ANKRD50: variants seen among roughly 807,000 people sequenced by gnomAD.
ANKRD50 encodes ankyrin repeat domain 50.
A neutral mutation model predicts 112.0 loss-of-function variants in ANKRD50; 40 were observed. The ratio of observed to expected loss-of-function variants is 0.36; its 90% CI spans 0.28 to 0.46. The LOEUF (loss-of-function observed/expected upper bound fraction) is 0.46. ANKRD50 is among the 20% of genes least tolerant of loss of function. The probability of loss-of-function intolerance (pLI) is 1.00; values close to 1 mark genes in which losing one functional copy is unlikely to be tolerated. For synonymous variants in ANKRD50, 613 were observed against 619.1 expected (o/e 0.99, Z 0.15); for missense variants, 1,487 against 1,701.7 (o/e 0.87, Z 2.22).
chr4:124,705,604 G>A (rs552776379), intron 2 of ANKRD50, among the ~76,000 whole-genome samples: 1 of 152,228 alleles, frequency 6.6e-6, no homozygotes, highest in South Asian at 2.1e-4. Context: ...TCTGTTCAAA[G>A]TCCAGAAAGG....
At chr4:124,687,163 A>G (rs1048546644) in intron 2 of ANKRD50, among the ~76,000 whole-genome samples, 4 of 152,246 alleles carry the variant, frequency 2.6e-5, no homozygotes, top group African/African-American at 9.6e-5. Context: ...TTAAAGACAG[A>G]TTAATAAAAA....
rs918844997 is a variant in ANKRD50 at position 124,670,905 on chromosome 4, A to G, written c.2372T>C (p.Met791Thr). ...GRTPLLAAAS[M>T]GHASVVNTLL... ...TGTATTTACAACTGATGCATGACCCATAGACGCTGCTGCTAAGAGGGGTGT... is the reference window on the plus strand; with the variant it reads ...TGTATTTACAACTGATGCATGACCCGTAGACGCTGCTGCTAAGAGGGGTGT... Residue 791 changes from methionine to threonine, a missense_variant, in exon 4 of 5, where the codon ATG becomes ACG. Met to Thr is a moderately conservative substitution (Grantham distance 81). Transcript: ENST00000504087. 8 of 1,613,864 alleles carry G rather than the reference A, an allele frequency of 5.0e-6. No individual in the cohort carries two copies. Among genetic ancestry groups the G allele is most frequent in the Non-Finnish European group, 5.9e-6 (7 of 1,179,884 alleles).
At chr4:124,687,853 C>G (rs1403079632) in intron 2 of ANKRD50, among the ~76,000 whole-genome samples, 1 of 152,120 alleles carries the variant, frequency 6.6e-6, no homozygotes, top group Admixed American at 6.5e-5. Context: ...TAAGTAAAAA[C>G]CCTGACAACA....
chr4:124,673,298 A>C (rs1322335316), intron 3 of ANKRD50, among the ~76,000 whole-genome samples: 1 of 152,136 alleles, frequency 6.6e-6, no homozygotes, highest in East Asian at 1.9e-4. Context: ...TACAGATATG[A>C]ACTTATTAGA....
intron 2 of ANKRD50, among the ~76,000 whole-genome samples, chr4:124,706,938 A>C (rs1484879443): frequency 6.6e-6 from 1 of 152,050 alleles, no homozygotes; most frequent in Non-Finnish European, 1.5e-5. Flanking sequence ...GAACAGTTGT[A>C]TGGGTACTCA....
chr4:124,695,697 T>C (rs1725236343), intron 2 of ANKRD50, among the ~76,000 whole-genome samples: 1 of 152,172 alleles, frequency 6.6e-6, no homozygotes, highest in African/African-American at 2.4e-5. Context: ...CTAAACATAA[T>C]TTCTTATGTT....
rs1730505250 is a variant in ANKRD50 at position 124,666,920 on chromosome 4, T to C, written c.*598A>G. 6.6e-6 allele frequency: 1 copy of C among 152,076 alleles called. No homozygotes were observed. The highest frequency in any genetic ancestry group is 6.6e-5 in the Admixed American group (1 of 15,222). 9.4% of individuals were successfully genotyped at this position (152,076 alleles called of 1,614,324 possible). On this transcript the variant is annotated 3_prime_UTR_variant, in exon 5 of 5. Transcript: ENST00000504087. ...TCCCTAAACTACTATAAAATATTTT[T>C]TTTAAACTGCCAAGAAATCATTTTT...
chr4:124,676,872 G>A (rs1366949489), intron 3 of ANKRD50, among the ~76,000 whole-genome samples: 1 of 151,550 alleles, frequency 6.6e-6, no homozygotes, highest in Non-Finnish European at 1.5e-5. Context: ...TCAGATAGCA[G>A]AATTTCATGG....
chr4:124,684,926 G>A (rs74625394), intron 2 of ANKRD50, among the ~76,000 whole-genome samples: 1 of 151,974 alleles, frequency 6.6e-6, no homozygotes, highest in African/African-American at 2.4e-5. Flanking sequence ...CTAACACTGA[G>A]CTTTTTTCTC....
intron 2 of ANKRD50, among the ~76,000 whole-genome samples, chr4:124,694,299 C>T (rs925672352): frequency 5.9e-5 from 9 of 152,112 alleles, no homozygotes; most frequent in Admixed American, 1.3e-4. Context: ...AGTGATTTCA[C>T]GCTTTTATGA....
Position 124,670,287 on chromosome 4 carries a change from A to G in ANKRD50, c.2990T>C (p.Val997Ala), listed in dbSNP as rs1730607492. 6.2e-7 allele frequency: 1 copy of G among 1,613,946 alleles called. No individual in the cohort carries two copies. Among genetic ancestry groups the G allele is most frequent in the Non-Finnish European group, 8.5e-7 (1 of 1,179,912 alleles). ...CWQGHMEMVQ[V>A]LIAYHADVNA... ...GACGTCAGCATGGTATGCTATCAGG[A>G]CCTGCACCATTTCCATATGGCCTTG... The change falls in exon 4 of 5, where the codon GTC (valine) becomes GCC (alanine). Residue 997 changes from valine to alanine, a missense_variant. Coordinates refer to ENST00000504087, the MANE Select transcript of ANKRD50 (RefSeq NM_020337.3).
chr4:124,669,631 C>G lies in ANKRD50; in HGVS notation c.3646G>C (p.Glu1216Gln), dbSNP rs745993211. 3.7e-6 allele frequency: 6 copies of G among 1,613,412 alleles called. No individual in the cohort carries two copies. The highest frequency in any genetic ancestry group is 5.1e-6 in the Non-Finnish European group (6 of 1,179,778). ...IDSFHNLSFT[E>Q]QIQQHSLPRS... ...GGCAATGAATGCTGCTGAATTTGTT[C>G]TGTAAATGACAAGTTATGAAAGCTA... Residue 1216 changes from glutamate to glutamine, a missense_variant, in exon 4 of 5, where the codon GAA (glutamate) becomes CAA (glutamine). By Grantham distance (29) the Glu-to-Gln change is conservative. Around this residue, in one of 2 missense-constraint regions of ANKRD50, gnomAD observed 441 missense variants for 432.2 expected, o/e 1.02. Transcript: ENST00000504087.
At chr4:124,673,176 A>G (rs1190955963) in intron 3 of ANKRD50, among the ~76,000 whole-genome samples, 3 of 152,114 alleles carry the variant, frequency 2.0e-5, no homozygotes, top group Non-Finnish European at 2.9e-5. Context: ...AAAATAAATA[A>G]TAAGATTTAA....
chr4:124,671,695 T>A lies in ANKRD50; in HGVS notation c.1582A>T (p.Ile528Phe). The A allele has an allele frequency of 4.3e-6, 7 of 1,613,884 alleles. No homozygotes were observed. Among genetic ancestry groups the A allele is most frequent in the Non-Finnish European group, 5.1e-6 (6 of 1,179,858 alleles). The change falls in exon 4 of 5, where the codon ATT becomes TTT. Residue 528 changes from isoleucine to phenylalanine, a missense_variant. Coordinates refer to ENST00000504087, the MANE Select transcript of ANKRD50 (RefSeq NM_020337.3). ...GCTCCATTATCTAATAATGTCCGAA[T>A]GGAATCCTCTCTTTCTAAGGCTTGT... Reference protein sequence around the residue: ...VRQALEREDSIRTLLDNGASV... With the variant: ...VRQALEREDSFRTLLDNGASV...
At chr4:124,692,707 G>A (rs1319746917) in intron 2 of ANKRD50, among the ~76,000 whole-genome samples, 1 of 152,104 alleles carries the variant, frequency 6.6e-6, no homozygotes, top group Non-Finnish European at 1.5e-5. Context: ...GCAAGAAGGT[G>A]CCATCTATGA....
intron 3 of ANKRD50, among the ~76,000 whole-genome samples, chr4:124,673,313 T>G (rs188296711): frequency 6.6e-6 from 1 of 152,140 alleles, no homozygotes. Context: ...ATTAGACAAT[T>G]GTGTATTCAT....
intron 2 of ANKRD50, among the ~76,000 whole-genome samples, chr4:124,705,482 A>G (rs952358378): frequency 6.6e-6 from 1 of 152,228 alleles, no homozygotes; most frequent in East Asian, 1.9e-4. Flanking sequence ...CTGACATCAC[A>G]TATCTGGTCC....
chr4:124,710,507 G>C lies in ANKRD50; in HGVS notation c.5C>G (p.Thr2Ser), dbSNP rs372492970. 1 of 1,607,628 alleles carries C rather than the reference G, an allele frequency of 6.2e-7. No individual in the cohort carries two copies. The highest frequency in any genetic ancestry group is 8.5e-7 in the Non-Finnish European group (1 of 1,178,418). M[T>S]NPWEEKVCKM... is the part of the protein sequence containing the mutation. ...GCAGACTTTCTCTTCCCAAGGATTA[G>C]TCATAACGGGTTTTTTATCTTCATT... Residue 2 changes from threonine (T) to serine (S), a missense_variant, in exon 2 of 5, where the codon ACT becomes AGT. By Grantham distance (58) the Thr-to-Ser change is moderately conservative. Transcript: ENST00000504087.
At chr4:124,668,835 A>T (rs1365533012) in intron 4 of ANKRD50, 149 bp downstream of exon 4, 1 of 652,452 alleles carries the variant, frequency 1.5e-6, no homozygotes, top group African/African-American at 1.9e-5. Flanking sequence ...GAGAATTCTG[A>T]TGTAAAGGGG....
Sources: gnomAD v4.1 joint callset for allele counts (sites outside exome capture counted in the v4.1 genomes callset) on GRCh38, gnomAD v4.1.1 for gene constraint, gnomAD v4.1.1 regional missense constraint, MANE v1.5 for transcripts, NCBI Gene and HGNC (gene_info 2026-07-23, HGNC 2026-07-21) for gene names.